The following OLA1 variants were observed in gnomAD, a reference collection of about 807,000 sequenced individuals.
OLA1 encodes Obg like ATPase 1.
OLA1 carries 14 observed loss-of-function variants against 48.4 expected under a neutral mutation model. The ratio of observed to expected loss-of-function variants is 0.29; its 90% confidence interval spans 0.19 to 0.45. The LOEUF (loss-of-function observed/expected upper bound fraction) is 0.45. OLA1 is among the 20% of genes least tolerant of loss of function. The pLI, the probability that OLA1 is intolerant of heterozygous loss-of-function variation, is 1.00. For synonymous variants in OLA1, 127 were observed against 150.4 expected, an observed-to-expected ratio of 0.84 and a Z score of 1.14; for missense variants, 325 against 467.1, an observed-to-expected ratio of 0.70 and a Z score of 2.80.
intron 4 of OLA1, among the ~76,000 whole-genome samples, chr2:174,183,808 A>G (rs556587600): frequency 6.6e-6 from 1 of 152,334 alleles, no homozygotes; most frequent in South Asian, 2.1e-4. Flanking sequence ...CCTGACCTCA[A>G]GTGGAACTCA....
At chr2:174,115,613 C>G (rs1020441848) in intron 7 of OLA1, among the ~76,000 whole-genome samples, 4 of 152,048 alleles carry the variant, frequency 2.6e-5, no homozygotes, top group African/African-American at 7.2e-5. Flanking sequence ...TTTGATGGCC[C>G]ATTATGCTCT....
intron 4 of OLA1, among the ~76,000 whole-genome samples, chr2:174,162,737 T>C (rs1687042072): frequency 6.6e-6 from 1 of 152,210 alleles, no homozygotes; most frequent in African/African-American, 2.4e-5. Flanking sequence ...AACCAAGTAC[T>C]GGGGCAGATC....
At chr2:174,175,692 C>T (rs551074785) in intron 4 of OLA1, among the ~76,000 whole-genome samples, 4 of 152,094 alleles carry the variant, frequency 2.6e-5, no homozygotes, top group East Asian at 3.9e-4. Context: ...AGTTACCATA[C>T]ACTTCAGCTA....
At chr2:174,109,954 C>A (rs917050651) in intron 7 of OLA1, among the ~76,000 whole-genome samples, 8 of 152,122 alleles carry the variant, frequency 5.3e-5, no homozygotes, top group Admixed American at 3.3e-4. Flanking sequence ...TCTCTCTCTT[C>A]CCACCCTCTT....
At chr2:174,238,697 C>G (rs1363713907) in intron 2 of OLA1, among the ~76,000 whole-genome samples, 1 of 151,906 alleles carries the variant, frequency 6.6e-6, no homozygotes, top group East Asian at 1.9e-4. Context: ...ACATGTGACC[C>G]AGAAATTCTA....
chr2:174,162,384 A>T (rs1276019421), intron 4 of OLA1, among the ~76,000 whole-genome samples: 2 of 152,220 alleles, frequency 1.3e-5, no homozygotes, highest in African/African-American at 4.8e-5. Context: ...ACTAAAGGTG[A>T]TATGCCAAAT....
intron 4 of OLA1, among the ~76,000 whole-genome samples, chr2:174,143,908 T>C (rs568540183): frequency 7.2e-4 from 110 of 152,208 alleles, no homozygotes; most frequent in African/African-American, 2.6e-3. Flanking sequence ...GTCTAAGACC[T>C]GGGCAACAAG....
chr2:174,161,146 A>G (rs1687001661), intron 4 of OLA1, among the ~76,000 whole-genome samples: 1 of 152,216 alleles, frequency 6.6e-6, no homozygotes, highest in Admixed American at 6.5e-5. Flanking sequence ...TTTACCTATA[A>G]GAATGCATCC....
chr2:174,218,629 T>C (rs1688418745), intron 4 of OLA1, among the ~76,000 whole-genome samples: 1 of 152,252 alleles, frequency 6.6e-6, no homozygotes, highest in Non-Finnish European at 1.5e-5. Flanking sequence ...TCTTTCATTA[T>C]TTCTACTATC....
Position 174,229,301 on chromosome 2 carries a change from C to A in OLA1, c.245+7G>T. On this transcript the variant is annotated splice_region_variant and intron_variant, in intron 3 of 10. Transcript: ENST00000284719. ...TCACCAAATAAATAGCATAAAATAT[C>A]TCTTACCTTGCTGGTTTGTGGTATT... 2 of 1,611,344 alleles carry A rather than the reference C, an allele frequency of 1.2e-6. No homozygotes were observed. Among genetic ancestry groups the A allele is most frequent in the Non-Finnish European group, 1.7e-6 (2 of 1,179,488 alleles).
At chr2:174,155,370 A>G (rs1686850064) in intron 4 of OLA1, among the ~76,000 whole-genome samples, 1 of 152,250 alleles carries the variant, frequency 6.6e-6, no homozygotes. Flanking sequence ...CAGATTCTAG[A>G]TGAAGCTAAA....
intron 4 of OLA1, among the ~76,000 whole-genome samples, chr2:174,211,381 G>A (rs1229102511): frequency 6.6e-6 from 1 of 152,072 alleles, no homozygotes; most frequent in Non-Finnish European, 1.5e-5. Context: ...AATCATCCTG[G>A]TAGAACCACC....
chr2:174,223,618 T>C (rs1688552344), intron 3 of OLA1, among the ~76,000 whole-genome samples: 1 of 152,150 alleles, frequency 6.6e-6, no homozygotes, highest in Non-Finnish European at 1.5e-5. Flanking sequence ...ATGCTATTTA[T>C]TAAGCCCACT....
chr2:174,089,180 G>A (rs991894853), intron 7 of OLA1, among the ~76,000 whole-genome samples: 1 of 152,086 alleles, frequency 6.6e-6, no homozygotes, highest in African/African-American at 2.4e-5. Flanking sequence ...GGCCAAATGA[G>A]TGAGACCTCA....
chr2:174,093,822 C>T (rs1245964064), intron 7 of OLA1, among the ~76,000 whole-genome samples: 3 of 152,142 alleles, frequency 2.0e-5, no homozygotes, highest in Non-Finnish European at 4.4e-5. Flanking sequence ...GCCATGAGGC[C>T]GCAGGATAAA....
chr2:174,234,430 C>T (rs1042388825), intron 2 of OLA1, among the ~76,000 whole-genome samples: 6 of 152,052 alleles, frequency 3.9e-5, no homozygotes, highest in Admixed American at 6.6e-5. Context: ...TCCTAATCCC[C>T]GAGCTGTTCA....
chr2:174,095,325 G>GTTTTTTTT (rs1205716344), intron 7 of OLA1, among the ~76,000 whole-genome samples: 131 of 77,922 alleles, frequency 1.7e-3, no homozygotes, highest in Non-Finnish European at 2.1e-3. Flanking sequence ...GTTATTTCCT[G>GTTTTTTTT]TTTTTTTTTT....
At chr2:174,140,023 G>A (rs984689676) in intron 5 of OLA1, among the ~76,000 whole-genome samples, 13 of 152,038 alleles carry the variant, frequency 8.6e-5, no homozygotes, top group Admixed American at 7.9e-4. Context: ...CACGCTTATT[G>A]ACATAAAAAT....
intron 7 of OLA1, among the ~76,000 whole-genome samples, chr2:174,108,998 A>G (rs17239055): frequency 0.4 from 61,200 of 152,056 alleles, 13,406 homozygotes; most frequent in East Asian, 0.94. Context: ...TGTATCTTCC[A>G]TCAGAAATGG....
Sources: allele counts gnomAD v4.1 joint callset (sites outside exome capture counted in the v4.1 genomes callset), GRCh38; gene constraint gnomAD v4.1.1; transcripts MANE v1.5; gene names NCBI Gene and HGNC (gene_info 2026-07-23, HGNC 2026-07-21).